The following CMSS1 variants were observed in gnomAD, a reference collection of about 807,000 sequenced individuals.
CMSS1 encodes protein CMSS1.
A neutral mutation model predicts 43.5 loss-of-function variants in CMSS1; 33 were observed. That is an observed-to-expected ratio of 0.76 (90% CI 0.57 to 1.01). The LOEUF (loss-of-function observed/expected upper bound fraction) is 1.01, where lower values mean the gene tolerates loss of function less well. Ranked by LOEUF, CMSS1 falls within the 50% of genes least tolerant of loss-of-function variation. The probability of loss-of-function intolerance (pLI) is 0.00; values close to 1 mark genes in which losing one functional copy is unlikely to be tolerated. For missense variants in CMSS1, 313 were observed against 326.4 expected (o/e 0.96, Z 0.32); for synonymous variants, 115 against 117.2 (o/e 0.98, Z 0.12).
intron 1 of CMSS1, among the ~76,000 whole-genome samples, chr3:99,871,213 C>T (rs982402627): frequency 3.3e-5 from 5 of 152,164 alleles, no homozygotes; most frequent in Admixed American, 2.0e-4. Context: ...AAGTCACTTC[C>T]ATATGGTTGC....
intron 1 of CMSS1, among the ~76,000 whole-genome samples, chr3:100,082,659 C>T (rs2065950245): frequency 6.6e-6 from 1 of 152,134 alleles, no homozygotes; most frequent in Admixed American, 6.5e-5. Flanking sequence ...TGGTTATAGT[C>T]GAGCTCCAAC....
At chr3:99,937,608 C>T (rs1411081438) in intron 1 of CMSS1, among the ~76,000 whole-genome samples, 1 of 152,126 alleles carries the variant, frequency 6.6e-6, no homozygotes, top group Admixed American at 6.5e-5. Flanking sequence ...GTTTATTATT[C>T]ATATTTGGTT....
chr3:100,166,540 G>C (rs1403578556), intron 5 of CMSS1, 146 bp downstream of exon 5: 2 of 599,594 alleles, frequency 3.3e-6, no homozygotes, highest in African/African-American at 1.9e-5. Flanking sequence ...CTAGTCCCAG[G>C]TCCCCCACCA....
chr3:100,027,478 C>A (rs1343221913), intron 1 of CMSS1, among the ~76,000 whole-genome samples: 1 of 152,130 alleles, frequency 6.6e-6, no homozygotes, highest in African/African-American at 2.4e-5. Context: ...TCCAGCAGCT[C>A]CTTGTAGCTT....
chr3:99,835,464 T>G (rs1942858320), intron 1 of CMSS1, among the ~76,000 whole-genome samples: 3 of 152,234 alleles, frequency 2.0e-5, no homozygotes. Flanking sequence ...ACCAGGTGCC[T>G]TTATTAGCCA....
intron 1 of CMSS1, among the ~76,000 whole-genome samples, chr3:99,934,765 G>T (rs1407953053): frequency 6.6e-6 from 1 of 152,192 alleles, no homozygotes; most frequent in African/African-American, 2.4e-5. Context: ...TCTGGTAGGA[G>T]AACATAGATC....
At position 100,172,344 on chromosome 3, in the gene CMSS1, A is replaced by T; in HGVS notation, c.608A>T (p.Lys203Met). The T allele has an allele frequency of 6.2e-7, 1 of 1,613,882 alleles. No individual in the cohort carries two copies. Among genetic ancestry groups the T allele is most frequent in the Non-Finnish European group, 8.5e-7 (1 of 1,179,882 alleles). ...CAGGCGCAGGTAAAGTTGCTGGAGAAGCGTGTGGTGCACCTGGGTGTAGGA... is the reference window on the plus strand; with the variant it reads ...CAGGCGCAGGTAAAGTTGCTGGAGATGCGTGTGGTGCACCTGGGTGTAGGA... ...KVQAQVKLLE[K>M]RVVHLGVGTP... The change falls in exon 8 of 10, where the codon AAG becomes ATG. Residue 203 changes from lysine (K) to methionine (M), a missense_variant. Coordinates refer to ENST00000421999, the MANE Select transcript of CMSS1 (RefSeq NM_032359.4).
intron 1 of CMSS1, among the ~76,000 whole-genome samples, chr3:100,111,390 C>T (rs1055623448): frequency 6.6e-6 from 1 of 152,146 alleles, no homozygotes; most frequent in Non-Finnish European, 1.5e-5. Context: ...ATTAGCTGGG[C>T]TAGTCCCTTA....
chr3:99,946,795 C>T (rs1038983774), intron 1 of CMSS1, among the ~76,000 whole-genome samples: 1 of 152,050 alleles, frequency 6.6e-6, no homozygotes, highest in Non-Finnish European at 1.5e-5. Context: ...ATGTTGGCTG[C>T]AGTATTTAAA....
intron 1 of CMSS1, among the ~76,000 whole-genome samples, chr3:100,012,299 T>G (rs1047898183): frequency 2.0e-5 from 3 of 152,186 alleles, no homozygotes; most frequent in African/African-American, 7.2e-5. Flanking sequence ...CTGCCAAATA[T>G]GAGATGTATA....
chr3:100,171,636 G>GATT (rs2067110702), intron 6 of CMSS1, among the ~76,000 whole-genome samples: 1 of 152,194 alleles, frequency 6.6e-6, no homozygotes, highest in Non-Finnish European at 1.5e-5. Flanking sequence ...AGCCAACCCA[G>GATT]ATATGTGCCT....
chr3:99,993,834 A>G (rs1709595830), intron 1 of CMSS1, among the ~76,000 whole-genome samples: 2 of 152,196 alleles, frequency 1.3e-5, no homozygotes, highest in South Asian at 2.1e-4. Flanking sequence ...GTACTTGATC[A>G]TGATATATTA....
chr3:100,066,977 A>G (rs1322692935), intron 1 of CMSS1, among the ~76,000 whole-genome samples: 1 of 152,202 alleles, frequency 6.6e-6, no homozygotes, highest in Admixed American at 6.5e-5. Context: ...GAAGACACAT[A>G]AAAATGTGTG....
chr3:99,938,874 T>C (rs919763745), intron 1 of CMSS1, among the ~76,000 whole-genome samples: 4 of 152,198 alleles, frequency 2.6e-5, no homozygotes, highest in African/African-American at 9.7e-5. Flanking sequence ...TCACCCACAT[T>C]TGAAGACACT....
chr3:99,929,254 C>T (rs543256991), intron 1 of CMSS1, among the ~76,000 whole-genome samples: 1 of 152,304 alleles, frequency 6.6e-6, no homozygotes, highest in South Asian at 2.1e-4. Context: ...TGGGACTGCC[C>T]ACCTTTGCCG....
chr3:99,861,577 G>A lies in CMSS1; in HGVS notation c.64+43534G>A, dbSNP rs1944256641. 2.0e-5 allele frequency among the ~76,000 whole-genome samples: 3 copies of A among 151,998 alleles called. No individual in the cohort carries two copies. In the South Asian group the frequency reaches 6.2e-4, roughly 32 times the overall value. Reference sequence around the variant, plus strand: ...TGATTTTGTACTCTCTGTGATCTGCGTTCTTCTGTATCTTGTCTGTTTGCC... The same window carrying A: ...TGATTTTGTACTCTCTGTGATCTGCATTCTTCTGTATCTTGTCTGTTTGCC... On this transcript the variant is annotated intron_variant, in intron 1 of 9. Transcript: ENST00000421999.
At chr3:99,859,089 G>A (rs1944113658) in intron 1 of CMSS1, among the ~76,000 whole-genome samples, 1 of 152,196 alleles carries the variant, frequency 6.6e-6, no homozygotes, top group Admixed American at 6.5e-5. Context: ...ATAAGACATT[G>A]TGTTTTGTTT....
chr3:99,869,476 G>C (rs1944681732), intron 1 of CMSS1, among the ~76,000 whole-genome samples: 2 of 152,290 alleles, frequency 1.3e-5, no homozygotes, highest in South Asian at 4.1e-4. Context: ...CCTTTTAGCA[G>C]CAGTGGATTC....
intron 1 of CMSS1, among the ~76,000 whole-genome samples, chr3:99,991,407 A>T (rs1378463270): frequency 6.6e-6 from 1 of 152,146 alleles, no homozygotes; most frequent in Non-Finnish European, 1.5e-5. Context: ...TTGAAAATAT[A>T]TGAAGTGATT....
Sources: gnomAD v4.1 joint callset for allele counts (sites outside exome capture counted in the v4.1 genomes callset) on GRCh38, gnomAD v4.1.1 for gene constraint, MANE v1.5 for transcripts, NCBI Gene and HGNC (gene_info 2026-07-23, HGNC 2026-07-21) for gene names.